The following SH3RF1 variants were observed in gnomAD, a reference collection of about 807,000 sequenced individuals.
SH3RF1 encodes the protein SH3 domain containing ring finger 1.
A neutral mutation model predicts 74.0 loss-of-function variants in SH3RF1; 32 were observed. That is an observed-to-expected ratio of 0.43 (90% CI 0.33 to 0.58). The LOEUF is 0.58. Ranked by LOEUF, SH3RF1 falls within the 20% of genes least tolerant of loss-of-function variation. SH3RF1 has a pLI of 0.05. For synonymous variants in SH3RF1, 396 were observed against 439.6 expected (o/e 0.90, Z 1.24); for missense variants, 954 against 1,130.9 (o/e 0.84, Z 2.24).
At chr4:169,147,627 A>G (rs1218608624) in intron 4 of SH3RF1, among the ~76,000 whole-genome samples, 1 of 152,222 alleles carries the variant, frequency 6.6e-6, no homozygotes, top group African/African-American at 2.4e-5. Flanking sequence ...CAAATATGTG[A>G]AGCCTAATAG....
chr4:169,106,188 C>T (rs1209901257), intron 11 of SH3RF1, among the ~76,000 whole-genome samples: 1 of 151,910 alleles, frequency 6.6e-6, no homozygotes, highest in African/African-American at 2.4e-5. Flanking sequence ...TCTCCACTCA[C>T]TGCAACCTCT....
At chr4:169,104,105 G>A (rs1561024333) in intron 11 of SH3RF1, among the ~76,000 whole-genome samples, 1 of 152,178 alleles carries the variant, frequency 6.6e-6, no homozygotes, top group Admixed American at 6.5e-5. Flanking sequence ...TGCAGAAGCC[G>A]TAGAGACTGA....
chr4:169,124,915 G>C (rs2069), intron 6 of SH3RF1, among the ~76,000 whole-genome samples: 11,670 of 152,194 alleles, frequency 0.077, 617 homozygotes, highest in African/African-American at 0.16. Flanking sequence ...TTCACCCGGA[G>C]GTGACCTGGA....
intron 2 of SH3RF1, among the ~76,000 whole-genome samples, chr4:169,218,203 T>C (rs1033341597): frequency 8.4e-5 from 12 of 143,610 alleles, no homozygotes; most frequent in Non-Finnish European, 1.8e-4. Context: ...GTAAATATAA[T>C]ATAATATATA....
At chr4:169,160,876 A>G (rs533152181) in intron 2 of SH3RF1, among the ~76,000 whole-genome samples, 2 of 152,358 alleles carry the variant, frequency 1.3e-5, no homozygotes, top group African/African-American at 4.8e-5. Context: ...TAAAGCCAAA[A>G]CAATTGGTTT....
chr4:169,268,174 G>A (rs1579172531), intron 2 of SH3RF1, among the ~76,000 whole-genome samples: 1 of 152,090 alleles, frequency 6.6e-6, no homozygotes, highest in African/African-American at 2.4e-5. Flanking sequence ...CAAATCCCAA[G>A]AAAAATCATT....
chr4:169,209,992 C>T (rs1227366888), intron 2 of SH3RF1, among the ~76,000 whole-genome samples: 1 of 152,058 alleles, frequency 6.6e-6, no homozygotes, highest in Non-Finnish European at 1.5e-5. Context: ...AGATGGGGTT[C>T]GCCATGTTGC....
chr4:169,096,488 G>C lies in SH3RF1; in HGVS notation c.*31C>G. The C allele has an allele frequency of 6.2e-7, 1 of 1,604,130 alleles. No individual in the cohort carries two copies. ...GCTTTGTGCTACTTTGTTGTGTGAAGTGATTTTAAGCTTCTTCAGTGTCAG... is the reference window on the plus strand; with the variant it reads ...GCTTTGTGCTACTTTGTTGTGTGAACTGATTTTAAGCTTCTTCAGTGTCAG... On this transcript the variant is annotated 3_prime_UTR_variant, in exon 12 of 12. Transcript: ENST00000284637.
At chr4:169,210,841 C>T (rs563436216) in intron 2 of SH3RF1, among the ~76,000 whole-genome samples, 30 of 152,340 alleles carry the variant, frequency 2.0e-4, no homozygotes, top group African/African-American at 6.7e-4. Flanking sequence ...ACTTTCCTCT[C>T]TCTGTCCACA....
At chr4:169,264,443 G>T (rs919561056) in intron 2 of SH3RF1, among the ~76,000 whole-genome samples, 1 of 152,146 alleles carries the variant, frequency 6.6e-6, no homozygotes, top group South Asian at 2.1e-4. Flanking sequence ...GAACTTCAAC[G>T]TAGCAATGTT....
At chr4:169,133,533 T>C (rs993213602) in intron 5 of SH3RF1, among the ~76,000 whole-genome samples, 3 of 150,590 alleles carry the variant, frequency 2.0e-5, no homozygotes, top group Non-Finnish European at 4.4e-5. Flanking sequence ...ATCCCAGCAC[T>C]TGGGGAGGCT....
intron 2 of SH3RF1, among the ~76,000 whole-genome samples, chr4:169,206,185 T>C (rs573526489): frequency 2.0e-4 from 31 of 152,348 alleles, no homozygotes; most frequent in Admixed American, 1.1e-3. Context: ...GAAAATATGA[T>C]AAAACCTATG....
chr4:169,263,890 G>A (rs1731315299), intron 2 of SH3RF1, among the ~76,000 whole-genome samples: 1 of 152,138 alleles, frequency 6.6e-6, no homozygotes, highest in Non-Finnish European at 1.5e-5. Context: ...CTTATAACAT[G>A]CCTGTCTATT....
At chr4:169,243,452 G>T (rs1205753446) in intron 2 of SH3RF1, among the ~76,000 whole-genome samples, 4 of 152,228 alleles carry the variant, frequency 2.6e-5, no homozygotes, top group Non-Finnish European at 5.9e-5. Flanking sequence ...GGCAGAGGTT[G>T]CAGTGAGCCA....
At chr4:169,161,928 C>T (rs1734155018) in intron 2 of SH3RF1, among the ~76,000 whole-genome samples, 1 of 152,044 alleles carries the variant, frequency 6.6e-6, no homozygotes, top group African/African-American at 2.4e-5. Flanking sequence ...ACCTGTAATC[C>T]CAGCACTTTG....
chr4:169,252,270 C>A (rs1346574290), intron 2 of SH3RF1, among the ~76,000 whole-genome samples: 1 of 152,210 alleles, frequency 6.6e-6, no homozygotes, highest in South Asian at 2.1e-4. Flanking sequence ...CCAGATGCAA[C>A]AAACAGGACA....
chr4:169,146,966 A>G (rs1054101930), intron 4 of SH3RF1, among the ~76,000 whole-genome samples: 4 of 152,228 alleles, frequency 2.6e-5, no homozygotes, highest in African/African-American at 9.6e-5. Flanking sequence ...AACTGTGAAC[A>G]GTGAATGTGC....
intron 4 of SH3RF1, among the ~76,000 whole-genome samples, chr4:169,137,964 C>T (rs1733725713): frequency 6.6e-6 from 1 of 152,184 alleles, no homozygotes; most frequent in African/African-American, 2.4e-5. Flanking sequence ...AGAAGTTTCT[C>T]CACATGATAA....
chr4:169,176,371 C>G (rs1451764968), intron 2 of SH3RF1, among the ~76,000 whole-genome samples: 1 of 152,078 alleles, frequency 6.6e-6, no homozygotes, highest in African/African-American at 2.4e-5. Flanking sequence ...TTTAATTTGC[C>G]AGTGACACAA....
Sources: gnomAD v4.1 joint callset for allele counts (sites outside exome capture counted in the v4.1 genomes callset) on GRCh38, gnomAD v4.1.1 for gene constraint, MANE v1.5 for transcripts, NCBI Gene and HGNC (gene_info 2026-07-23, HGNC 2026-07-21) for gene names.